Variants in ATG3 observed in about 807,000 individuals in gnomAD.
The protein encoded by ATG3 is ubiquitin-like-conjugating enzyme ATG3.
ATG3 carries 25 observed loss-of-function variants against 50.7 expected under a neutral mutation model. The ratio of observed to expected loss-of-function variants is 0.49; its 90% CI spans 0.36 to 0.69. ATG3 has a LOEUF of 0.69. ATG3 is among the 30% of genes least tolerant of loss of function. The pLI, the probability that ATG3 is intolerant of heterozygous loss-of-function variation, is 0.00. For missense variants in ATG3, 281 were observed against 376.0 expected (o/e 0.75, Z 2.09); for synonymous variants, 119 against 125.5 (o/e 0.95, Z 0.34).
intron 1 of ATG3, among the ~76,000 whole-genome samples, chr3:112,560,863 C>A (rs2705507): frequency 0.15 from 23,040 of 152,112 alleles, 4,020 homozygotes; most frequent in African/African-American, 0.42. Context: ...CACTAATAAC[C>A]AGCTACGGCT....
chr3:112,540,404 A>C (rs1933194355), intron 7 of ATG3, among the ~76,000 whole-genome samples: 1 of 152,224 alleles, frequency 6.6e-6, no homozygotes, highest in South Asian at 2.1e-4. Context: ...TTTGGCATTC[A>C]GCTGCCTTAC....
At chr3:112,541,220 C>T (rs970475413) in intron 7 of ATG3, among the ~76,000 whole-genome samples, 3 of 152,066 alleles carry the variant, frequency 2.0e-5, no homozygotes, top group African/African-American at 7.2e-5. Flanking sequence ...AATCCCGTCT[C>T]TACTAAAAAT....
At chr3:112,544,912 C>G (rs574998625) in intron 5 of ATG3, among the ~76,000 whole-genome samples, 1 of 152,144 alleles carries the variant, frequency 6.6e-6, no homozygotes, top group Non-Finnish European at 1.5e-5. Context: ...TTTATTTGAG[C>G]ATCATATCAG....
intron 9 of ATG3, among the ~76,000 whole-genome samples, chr3:112,537,042 T>G (rs1390991533): frequency 6.6e-6 from 1 of 151,634 alleles, no homozygotes; most frequent in Non-Finnish European, 1.5e-5. Context: ...TCACTTGCAA[T>G]TTAGAATTCT....
At chr3:112,536,414 T>C in intron 10 of ATG3, 61 bp downstream of exon 10, 1 of 1,581,820 alleles carries the variant, frequency 6.3e-7, no homozygotes. Flanking sequence ...GATTCTCAAG[T>C]AATAAATCCA....
chr3:112,543,437 C>T (rs1188783326), intron 6 of ATG3, among the ~76,000 whole-genome samples: 6 of 151,938 alleles, frequency 3.9e-5, no homozygotes, highest in African/African-American at 1.4e-4. Flanking sequence ...TATGTTTTAC[C>T]CCCATAAATC....
chr3:112,551,191 T>C (rs1013471769), intron 3 of ATG3, among the ~76,000 whole-genome samples: 1 of 152,338 alleles, frequency 6.6e-6, no homozygotes, highest in Middle Eastern at 3.4e-3. Flanking sequence ...AGCTGTCTTT[T>C]CAAGCTTCAG....
In ATG3 at chr3:112,556,888, C is replaced by T. The variant is rs538944247; in HGVS notation, c.114+1488G>A. Among the ~76,000 whole-genome samples the T allele has an allele frequency of 2.4e-3, 361 of 152,090 alleles. 2 individuals are homozygous for T. The highest frequency in any genetic ancestry group is 8.4e-3 in the African/African-American group (350 of 41,462). ...CAAGTACCCAGGGACACAAACACTGCGGAAGGCCACAGGGTCCTCTGCCTA... is the reference window on the plus strand; with the variant it reads ...CAAGTACCCAGGGACACAAACACTGTGGAAGGCCACAGGGTCCTCTGCCTA... On this transcript the variant is annotated intron_variant, in intron 2 of 11. Transcript: ENST00000283290.
chr3:112,558,222 A>T (rs1252766373), intron 2 of ATG3, 154 bp downstream of exon 2: 1 of 594,136 alleles, frequency 1.7e-6, no homozygotes, highest in African/African-American at 1.9e-5. Context: ...CTTTTCTTCT[A>T]TGGGAAGTAG....
At chr3:112,536,698 G>A (rs947143665) in intron 9 of ATG3, 96 bp from the exon 10 acceptor site, 2 of 1,322,468 alleles carry the variant, frequency 1.5e-6, no homozygotes, top group African/African-American at 2.9e-5. Context: ...GAGGTGGGCG[G>A]ATCACATGGT....
At position 112,558,479 on chromosome 3, in the gene ATG3, T is replaced by C. The variant is rs1251010698; in HGVS notation, c.73-62A>G. 3.0e-6 allele frequency: 4 copies of C among 1,354,740 alleles called. No individual in the cohort carries two copies. In the African/African-American group the frequency reaches 5.8e-5, roughly 20 times the overall value. 83.9% of individuals were successfully genotyped at this position (1,354,740 alleles called of 1,614,324 possible). A position where few individuals can be genotyped will look rare whatever the true frequency, so the allele number is the denominator to read the frequency against. On this transcript the variant is annotated intron_variant, in intron 1 of 11. Transcript: ENST00000283290. The stretch of plus-strand genomic sequence containing the variant: ...GTTTCACTATCAATTAAATATATTT[T>C]GGGGGCAATTATTTGCCTGGTGCCC...
chr3:112,550,232 T>C lies in ATG3; in HGVS notation c.195A>G (p.Ala65=). Residue 65 remains alanine (A), a synonymous_variant, in exon 4 of 12, where the codon GCA becomes GCG. Coordinates refer to ENST00000283290, the MANE Select transcript of ATG3 (RefSeq NM_022488.5). ...AAAATTGTTTGCCTGTTGGTAGGTA[T>C]GCCTTCACTTTCAATTCTTCCCCTG... The part of the protein sequence containing the change: ...WATGEELKVK[A]YLPTGKQFLV... The C allele has an allele frequency of 6.2e-7, 1 of 1,613,256 alleles. No homozygotes were observed. The highest frequency in any genetic ancestry group is 8.5e-7 in the Non-Finnish European group (1 of 1,179,660).
At chr3:112,536,920 C>CAAAAAAAAA (rs56353465) in intron 9 of ATG3, among the ~76,000 whole-genome samples, 2 of 68,420 alleles carry the variant, frequency 2.9e-5, no homozygotes, top group African/African-American at 6.3e-5. Context: ...GACTCCATCT[C>CAAAAAAAAA]AAAAAAAAAA....
intron 6 of ATG3, among the ~76,000 whole-genome samples, chr3:112,542,586 A>C (rs1437432160): frequency 6.6e-6 from 1 of 152,126 alleles, no homozygotes; most frequent in East Asian, 1.9e-4. Flanking sequence ...CATATGTTTA[A>C]AACTTAAATC....
chr3:112,556,263 T>G (rs1030074818), intron 2 of ATG3, among the ~76,000 whole-genome samples: 8 of 152,334 alleles, frequency 5.3e-5, no homozygotes, highest in Non-Finnish European at 2.9e-5. Context: ...TAGGAGAAAT[T>G]ACCGTCCCGT....
chr3:112,558,344 TAA>T (rs760324908), intron 2 of ATG3, 30 bp downstream of exon 2: 4 of 1,531,230 alleles, frequency 2.6e-6, no homozygotes, highest in Non-Finnish European at 3.6e-6. Flanking sequence ...TATTGTAAAA[TAA>T]AAAGACTTCA....
intron 9 of ATG3, 89 bp downstream of exon 9, chr3:112,537,646 C>A: frequency 1.0e-6 from 1 of 963,110 alleles, no homozygotes. Context: ...TGAAACACTG[C>A]AATAAATACT....
At chr3:112,533,221 TG>T (rs1202065428) in intron 11 of ATG3, 12 of 985,222 alleles carry the variant, frequency 1.2e-5, no homozygotes, top group Non-Finnish European at 1.4e-5. Flanking sequence ...TCTAGGTTAG[TG>T]TATGTATTTG....
chr3:112,561,567 G>GA lies in ATG3; in HGVS notation c.-40dup. 6.3e-7 allele frequency: 1 copy of GA among 1,594,682 alleles called. No homozygotes were observed. The highest frequency in any genetic ancestry group is 8.5e-7 in the Non-Finnish European group (1 of 1,169,868). On this transcript the variant is annotated 5_prime_UTR_variant, in exon 1 of 12. Coordinates refer to ENST00000283290, the MANE Select transcript of ATG3 (RefSeq NM_022488.5). ...TAGCGGCCGGCCCCGCGACGGGATG[G>GA]AAAGTGCAGCCGTGTCAGGGGCCAG...
Sources: gnomAD v4.1 joint callset for allele counts (sites outside exome capture counted in the v4.1 genomes callset) on GRCh38, gnomAD v4.1.1 for gene constraint, MANE v1.5 for transcripts, NCBI Gene and HGNC (gene_info 2026-07-23, HGNC 2026-07-21) for gene names.